RANBP2: variants seen among roughly 807,000 people sequenced by gnomAD.
The protein encoded by RANBP2 is E3 SUMO-protein ligase RanBP2.
RANBP2 carries 57 observed loss-of-function variants against 303.6 expected under a neutral mutation model. The observed-to-expected ratio is 0.19, with a 90% CI of 0.15 to 0.23. The LOEUF (loss-of-function observed/expected upper bound fraction) is 0.23, where lower values mean the gene tolerates loss of function less well. RANBP2 is among the 10% of genes least tolerant of loss of function. The pLI, the probability that RANBP2 is intolerant of heterozygous loss-of-function variation, is 1.00. For missense variants in RANBP2, 3,138 were observed against 3,780.8 expected (o/e 0.83, Z 4.46); for synonymous variants, 1,167 against 1,301.5 (o/e 0.90, Z 2.23).
At chr2:108,864,949 G>T in the RANBP2 span, among the ~76,000 whole-genome samples, 1 of 152,030 alleles carries the variant, frequency 6.6e-6, no homozygotes, top group African/African-American at 2.4e-5. Flanking sequence ...CAAGAGTGAG[G>T]CCCTGTTTTA....
the RANBP2 span, chr2:108,884,537 C>T: frequency 7.9e-5 from 12 of 152,278 alleles, no homozygotes; most frequent in Admixed American, 4.6e-4. Context: ...GAGAAGAGAT[C>T]TTTGTTTTGT....
chr2:109,271,256 C>T, the RANBP2 span, among the ~76,000 whole-genome samples: 3 of 152,146 alleles, frequency 2.0e-5, no homozygotes, highest in Admixed American at 1.3e-4. Context: ...TCCAGAAAAG[C>T]CCTGGCCCTG....
the RANBP2 span, among the ~76,000 whole-genome samples, chr2:109,673,393 AG>A: frequency 6.6e-6 from 1 of 152,228 alleles, no homozygotes; most frequent in African/African-American, 2.4e-5. Flanking sequence ...GAAAAACAGA[AG>A]GTGCCACAGA....
the RANBP2 span, among the ~76,000 whole-genome samples, chr2:109,422,390 A>G: frequency 6.6e-6 from 1 of 152,168 alleles, no homozygotes; most frequent in Non-Finnish European, 1.5e-5. Flanking sequence ...TGAGCCCTTG[A>G]GATTAAGAGG....
chr2:108,985,098 T>G, the RANBP2 span, among the ~76,000 whole-genome samples: 1 of 152,240 alleles, frequency 6.6e-6, no homozygotes, highest in Non-Finnish European at 1.5e-5. Flanking sequence ...GATTAAGGTG[T>G]TGTTGGCAGA....
chr2:109,120,763 G>A, the RANBP2 span, among the ~76,000 whole-genome samples: 1 of 151,362 alleles, frequency 6.6e-6, no homozygotes, highest in Non-Finnish European at 1.5e-5. Context: ...ATACCAAGAG[G>A]TACGGGGAGG....
chr2:108,921,379 G>A, the RANBP2 span, among the ~76,000 whole-genome samples: 59 of 152,296 alleles, frequency 3.9e-4, no homozygotes, highest in African/African-American at 1.3e-3. Flanking sequence ...GGTGGTTTGC[G>A]TAATCCACCA....
At chr2:108,824,604 T>TA in the RANBP2 span, among the ~76,000 whole-genome samples, 2 of 152,126 alleles carry the variant, frequency 1.3e-5, no homozygotes, top group African/African-American at 2.4e-5. Context: ...AACTTTTTTT[T>TA]AAAAAAATAA....
intron 7 of RANBP2, among the ~76,000 whole-genome samples, chr2:108,742,216 G>C (rs1479575952): frequency 1.3e-5 from 2 of 151,870 alleles, no homozygotes. Flanking sequence ...GGCTGATCTC[G>C]AACTCCTGAC....
the RANBP2 span, among the ~76,000 whole-genome samples, chr2:109,327,029 C>T: frequency 3.9e-5 from 6 of 152,112 alleles, no homozygotes; most frequent in South Asian, 6.2e-4. Context: ...CTTTTTCCTT[C>T]GTATTTAATG....
the RANBP2 span, among the ~76,000 whole-genome samples, chr2:109,467,311 G>A: frequency 6.6e-6 from 1 of 152,252 alleles, no homozygotes; most frequent in Non-Finnish European, 1.5e-5. Context: ...GCAAGAAAAA[G>A]AAACCAGCTG....
chr2:109,341,629 G>A, the RANBP2 span, among the ~76,000 whole-genome samples: 1 of 152,158 alleles, frequency 6.6e-6, no homozygotes, highest in Non-Finnish European at 1.5e-5. Context: ...CATGGTATGG[G>A]GGTGTGTTCT....
At chr2:108,896,131 T>G in the RANBP2 span, 19 of 152,360 alleles carry the variant, frequency 1.2e-4, no homozygotes, top group African/African-American at 4.6e-4. Flanking sequence ...TAAATGAAAT[T>G]GGCTACTGCA....
chr2:108,943,831 G>A, the RANBP2 span, among the ~76,000 whole-genome samples: 5 of 152,194 alleles, frequency 3.3e-5, no homozygotes, highest in Admixed American at 2.0e-4. Flanking sequence ...AGGGCTGGAT[G>A]CCAGCCCGGG....
chr2:109,106,464 G>A, the RANBP2 span, among the ~76,000 whole-genome samples: 1 of 152,098 alleles, frequency 6.6e-6, no homozygotes, highest in Non-Finnish European at 1.5e-5. Context: ...GGCCCACCTG[G>A]GAATTCATAA....
At chr2:109,566,871 ATTAC>A in the RANBP2 span, among the ~76,000 whole-genome samples, 9 of 152,196 alleles carry the variant, frequency 5.9e-5, no homozygotes, top group Admixed American at 1.3e-4. Context: ...AAAATTATTA[ATTAC>A]TATGTTTAAT....
chr2:109,235,580 T>G, the RANBP2 span, among the ~76,000 whole-genome samples: 2 of 152,198 alleles, frequency 1.3e-5, no homozygotes, highest in African/African-American at 4.8e-5. Context: ...TCTCCTGGGT[T>G]TGAGAGATGC....
chr2:109,766,235 C>T, the RANBP2 span, among the ~76,000 whole-genome samples: 1 of 151,256 alleles, frequency 6.6e-6, no homozygotes, highest in Non-Finnish European at 1.5e-5. Flanking sequence ...AGGGCTAGGG[C>T]TGTGGGCAGC....
the RANBP2 span, among the ~76,000 whole-genome samples, chr2:108,995,462 C>A: frequency 2.6e-5 from 4 of 152,256 alleles, no homozygotes; most frequent in East Asian, 7.7e-4. Context: ...GGATATGAAC[C>A]CATTGTCCAA....
Sources: gnomAD v4.1 joint callset for allele counts (sites outside exome capture counted in the v4.1 genomes callset) on GRCh38, gnomAD v4.1.1 for gene constraint, MANE v1.5 for transcripts, NCBI Gene and HGNC (gene_info 2026-07-23, HGNC 2026-07-21) for gene names.